Variants in CNTNAP3B observed in about 807,000 individuals in gnomAD.
The protein encoded by CNTNAP3B is contactin-associated protein-like 3B.
Under a neutral mutation model 108.9 loss-of-function variants are expected in CNTNAP3B, and 25 were observed. The observed-to-expected ratio is 0.23, with a 90% CI of 0.17 to 0.32. CNTNAP3B has a LOEUF of 0.32. Among genes scored for constraint, CNTNAP3B ranks in the 10% least tolerant of loss-of-function variants. The pLI is 1.00. For missense variants in CNTNAP3B, 252 were observed against 1,210.4 expected (o/e 0.21, Z 11.75); for synonymous variants, 103 against 473.4 (o/e 0.22, Z 10.16).
chr9:41,945,941 T>G (rs1824520747), intron 13 of CNTNAP3B, among the ~76,000 whole-genome samples: 1 of 152,270 alleles, frequency 6.6e-6, no homozygotes, highest in Admixed American at 6.5e-5. Flanking sequence ...GTATCTAAAT[T>G]AATTTTAGAC....
At chr9:42,067,961 A>T (rs1196491537) in intron 3 of CNTNAP3B, among the ~76,000 whole-genome samples, 1 of 135,706 alleles carries the variant, frequency 7.4e-6, no homozygotes, top group Non-Finnish European at 1.6e-5. Flanking sequence ...ATAGAGGATT[A>T]TACTTCCTAT....
At chr9:41,968,941 C>T (rs1300905611) in intron 10 of CNTNAP3B, among the ~76,000 whole-genome samples, 7 of 152,178 alleles carry the variant, frequency 4.6e-5, no homozygotes, top group African/African-American at 1.4e-4. Flanking sequence ...GAACTACAGG[C>T]GCCCGCCACC....
intron 13 of CNTNAP3B, among the ~76,000 whole-genome samples, chr9:41,952,466 T>C (rs1042490081): frequency 1.3e-5 from 2 of 152,246 alleles, no homozygotes; most frequent in South Asian, 2.1e-4. Context: ...AATAAAGTGC[T>C]TTCAAGAAAC....
rs1443467810 is a variant in CNTNAP3B, at chr9:41,944,337, T to C, written c.2081-5937A>G. ...AATAGGTAACAGCTCTAAATAATAC[T>C]AACAATGTATTGGGTGATTATGGCT... On this transcript the variant is annotated intron_variant, in intron 13 of 23. Transcript: ENST00000377561. Among the ~76,000 whole-genome samples, 3 of 145,398 alleles carry C rather than the reference T, an allele frequency of 2.1e-5. No individual in the cohort carries two copies. In the East Asian group the frequency reaches 5.8e-4, roughly 28 times the overall value.
At chr9:41,917,208 T>G (rs1378817630) in intron 18 of CNTNAP3B, among the ~76,000 whole-genome samples, 1 of 151,888 alleles carries the variant, frequency 6.6e-6, no homozygotes, top group Non-Finnish European at 1.5e-5. Context: ...GATGATCTGT[T>G]TATTTTTTTC....
At chr9:42,077,327 C>T (rs1827513537) in intron 2 of CNTNAP3B, among the ~76,000 whole-genome samples, 1 of 130,386 alleles carries the variant, frequency 7.7e-6, no homozygotes, top group Non-Finnish European at 1.6e-5. Flanking sequence ...TAGAGCATTC[C>T]TGTCAACTTT....
At position 42,112,202 on chromosome 9, in the gene CNTNAP3B, C is replaced by T. The variant is rs187793027; in HGVS notation, c.86-7463G>A. On this transcript the variant is annotated intron_variant, in intron 1 of 23. Coordinates refer to ENST00000377561, the MANE Select transcript of CNTNAP3B (RefSeq NM_001201380.3). ...ATGACATTGCAGCCCCTGCTGTCTGCGAGTTCCCATCACTTATTATCTTCA... is the reference window on the plus strand; with the variant it reads ...ATGACATTGCAGCCCCTGCTGTCTGTGAGTTCCCATCACTTATTATCTTCA... 1.1e-4 allele frequency among the ~76,000 whole-genome samples: 15 copies of T among 140,150 alleles called. 3 individuals are homozygous for T. The highest frequency in any genetic ancestry group is 9.2e-4 in the Admixed American group (13 of 14,120). The allele number at this position is 140,150 out of a possible 152,430, so 91.9% of individuals were successfully genotyped here. A position where few individuals can be genotyped will look rare whatever the true frequency, so the allele number is the denominator to read the frequency against.
At chr9:42,076,260 C>CAAA (rs58062908) in intron 3 of CNTNAP3B, among the ~76,000 whole-genome samples, 902 of 83,922 alleles carry the variant, frequency 0.011, 43 homozygotes, top group Admixed American at 0.014. Context: ...ACTAAAAATA[C>CAAA]AAAAAAAAAA....
At chr9:42,119,756 A>T (rs976836751) in intron 1 of CNTNAP3B, among the ~76,000 whole-genome samples, 8 of 140,588 alleles carry the variant, frequency 5.7e-5, no homozygotes, top group African/African-American at 2.2e-4. Flanking sequence ...TGGTGCTGGG[A>T]AAACTGGCTA....
chr9:41,948,359 T>C (rs1354062128), intron 13 of CNTNAP3B, among the ~76,000 whole-genome samples: 2 of 152,238 alleles, frequency 1.3e-5, no homozygotes, highest in African/African-American at 4.8e-5. Context: ...CCCAAAGTGC[T>C]GGGATCACAG....
chr9:42,016,646 G>A (rs2118427252), intron 3 of CNTNAP3B, among the ~76,000 whole-genome samples: 1 of 152,004 alleles, frequency 6.6e-6, no homozygotes, highest in African/African-American at 2.4e-5. Flanking sequence ...ATTCTGCAGA[G>A]GATTACGTCT....
chr9:41,959,666 C>A (rs1758285), intron 12 of CNTNAP3B, among the ~76,000 whole-genome samples: 2 of 152,296 alleles, frequency 1.3e-5, no homozygotes, highest in Admixed American at 1.3e-4. Context: ...CAGCACATTG[C>A]TGTGCAGGTG....
In CNTNAP3B at chr9:41,967,973, C is replaced by CT. The variant is rs1212643372; in HGVS notation, c.1649+2100dup. Among the ~76,000 whole-genome samples, 9 of 152,330 alleles carry CT rather than the reference C, an allele frequency of 5.9e-5. No homozygotes were observed. In the South Asian group the frequency reaches 1.7e-3, roughly 28 times the overall value. On this transcript the variant is annotated intron_variant, in intron 10 of 23. Coordinates refer to ENST00000377561, the MANE Select transcript of CNTNAP3B (RefSeq NM_001201380.3). The stretch of plus-strand genomic sequence containing the variant: ...TAACTTTGGGGTACAATTTGGAGGC[C>CT]TTTTTAAAATGTGGGATCTTAGAGA...
chr9:42,122,650 G>T lies in CNTNAP3B; in HGVS notation c.85+6360C>A, dbSNP rs1420541610. ...CATAAATATCTTAATTATGGCAAAT[G>T]TGCAGTTCTTAAAGATGAGAATCAT... On this transcript the variant is annotated intron_variant, in intron 1 of 23. Coordinates refer to ENST00000377561, the MANE Select transcript of CNTNAP3B (RefSeq NM_001201380.3). Among the ~76,000 whole-genome samples, 4 of 140,300 alleles carry T rather than the reference G, an allele frequency of 2.9e-5. 1 individual carries two copies. Among genetic ancestry groups the T allele is most frequent in the Non-Finnish European group, 6.1e-5 (4 of 65,216 alleles). The allele number at this position is 140,300 out of a possible 152,430, so 92.0% of individuals were successfully genotyped here. A position where few individuals can be genotyped will look rare whatever the true frequency, so the allele number is the denominator to read the frequency against.
At chr9:42,075,596 T>C (rs1160504501) in intron 3 of CNTNAP3B, among the ~76,000 whole-genome samples, 2 of 121,828 alleles carry the variant, frequency 1.6e-5, no homozygotes, top group Non-Finnish European at 3.4e-5. Flanking sequence ...TTGGCTATGG[T>C]TTCCCTCTGA....
At chr9:41,921,786 GC>G in intron 17 of CNTNAP3B, among the ~76,000 whole-genome samples, 1 of 150,864 alleles carries the variant, frequency 6.6e-6, no homozygotes, top group Admixed American at 6.6e-5. Flanking sequence ...TGATGAGAGA[GC>G]CCCAGAAGTG....
At chr9:42,094,363 A>G (rs1827857413) in intron 2 of CNTNAP3B, among the ~76,000 whole-genome samples, 1 of 132,596 alleles carries the variant, frequency 7.5e-6, no homozygotes, top group Admixed American at 7.5e-5. Flanking sequence ...AAAAAAACAA[A>G]GAGGGCGGGG....
In CNTNAP3B at chr9:42,097,360, C is replaced by T. The variant is rs1249387249; in HGVS notation, c.196+7269G>A. 4.3e-5 allele frequency among the ~76,000 whole-genome samples: 6 copies of T among 139,774 alleles called. 1 individual carries two copies. The highest frequency in any genetic ancestry group is 4.3e-4 in the East Asian group (2 of 4,636). The allele number at this position is 139,774 out of a possible 152,430, so 91.7% of individuals were successfully genotyped here. A position where few individuals can be genotyped will look rare whatever the true frequency, so the allele number is the denominator to read the frequency against. Reference sequence around the variant, plus strand: ...CAGTTGCCTGGGTAAAACTGCCCCACGCAGAGAAGCTTTTACCCCAGGTTA... The same window carrying T: ...CAGTTGCCTGGGTAAAACTGCCCCATGCAGAGAAGCTTTTACCCCAGGTTA... On this transcript the variant is annotated intron_variant, in intron 2 of 23. Transcript: ENST00000377561.
intron 2 of CNTNAP3B, among the ~76,000 whole-genome samples, chr9:42,078,539 G>C (rs1827540315): frequency 7.2e-6 from 1 of 139,324 alleles, no homozygotes; most frequent in African/African-American, 2.9e-5. Context: ...GAATTGAAGA[G>C]TCAGGAATTT....
Sources: allele counts gnomAD v4.1 joint callset (sites outside exome capture counted in the v4.1 genomes callset), GRCh38; gene constraint gnomAD v4.1.1; transcripts MANE v1.5; gene names NCBI Gene and HGNC (gene_info 2026-07-23, HGNC 2026-07-21).